Variants in TRPV6 observed in about 807,000 individuals in gnomAD.
TRPV6 encodes Alu-binding protein with zinc finger domain.
Under a neutral mutation model 79.0 loss-of-function variants are expected in TRPV6, and 39 were observed. That is an observed-to-expected ratio of 0.49 (90% CI 0.38 to 0.64). The LOEUF (loss-of-function observed/expected upper bound fraction) is 0.64, where lower values mean the gene tolerates loss of function less well. TRPV6 is among the 30% of genes least tolerant of loss of function. TRPV6 has a pLI of 0.00. For synonymous variants in TRPV6, 373 were observed against 391.9 expected, an observed-to-expected ratio of 0.95 and a Z score of 0.57; for missense variants, 813 against 1,011.1, an observed-to-expected ratio of 0.80 and a Z score of 2.66.
At chr7:142,881,996 G>C (rs1795201293) in intron 1 of TRPV6, 1 of 152,258 alleles carries the variant, frequency 6.6e-6, no homozygotes, top group Non-Finnish European at 1.5e-5. Context: ...TCATGAAACA[G>C]ATGGAGGAAG....
Position 142,876,891 on chromosome 7 carries a change from G to T in TRPV6, c.608-54C>A. The T allele has an allele frequency of 1.9e-6, 3 of 1,599,486 alleles. No homozygotes were observed. The South Asian group carries it at 3.4e-5, about 18-fold the overall frequency. On this transcript the variant is annotated intron_variant, in intron 4 of 14. Coordinates refer to ENST00000359396, the MANE Select transcript of TRPV6 (RefSeq NM_018646.6). Reference sequence around the variant, plus strand: ...AGAGTGCAGGATGGCAGGATGGGGTGGACAGTCTCCCCCAAGTGACAGCCT... The same window carrying T: ...AGAGTGCAGGATGGCAGGATGGGGTTGACAGTCTCCCCCAAGTGACAGCCT...
At chr7:142,872,339 C>T (rs1219009054) in intron 14 of TRPV6, 33 bp downstream of exon 14, 1 of 1,609,618 alleles carries the variant, frequency 6.2e-7, no homozygotes, top group South Asian at 1.1e-5. Context: ...GATGAGGCTT[C>T]TCAGGGGACA....
At chr7:142,877,606 C>T in intron 3 of TRPV6, 45 bp downstream of exon 3, 1 of 1,593,906 alleles carries the variant, frequency 6.3e-7, no homozygotes, top group Non-Finnish European at 8.6e-7. Context: ...TTGAAATACC[C>T]AACCAGTCAC....
chr7:142,874,219 A>T, intron 11 of TRPV6, 77 bp from the exon 12 acceptor site: 1 of 1,500,602 alleles, frequency 6.7e-7, no homozygotes, highest in Non-Finnish European at 9.2e-7. Context: ...AACAGGTCTC[A>T]CCCCGACAAG....
chr7:142,871,947 G>A lies in TRPV6; in HGVS notation c.2058C>T (p.Arg686=). 1 of 1,610,984 alleles carries A rather than the reference G, an allele frequency of 6.2e-7. No individual in the cohort carries two copies. The highest frequency in any genetic ancestry group is 2.2e-5 in the East Asian group (1 of 44,822). The change falls in exon 15 of 15, where the codon CGC becomes CGT. Residue 686 remains arginine, a synonymous_variant. Coordinates refer to ENST00000359396, the MANE Select transcript of TRPV6 (RefSeq NM_018646.6). ...CCCGGGTGTGGAAGGCCTGTGCGTA[G>A]CGTTGGATCCGCTGCCGGTTGAGAT...
rs1794983873 is a variant in TRPV6, at chr7:142,873,316, C to T, written c.1908+132G>A. ...CTAATCAGTGCTTCTGTACATTTTG[C>T]ATGATTTTGCTAGCTTTGCCACAAC... is the stretch of plus-strand genomic sequence containing the variant. On this transcript the variant is annotated intron_variant, in intron 13 of 14. Transcript: ENST00000359396. This position sits in a 1 kb window ranked among gnomAD's most constrained non-coding sequence, Gnocchi z 4.8. The T allele has an allele frequency of 7.8e-7, 1 of 1,286,294 alleles. No individual in the cohort carries two copies. Among genetic ancestry groups the T allele is most frequent in the African/African-American group, 1.5e-5 (1 of 68,636 alleles). 79.7% of individuals were successfully genotyped at this position (1,286,294 alleles called of 1,614,324 possible).
At chr7:142,885,325 G>A (rs1365632249) in intron 1 of TRPV6, 64 bp downstream of exon 1, 1 of 1,519,182 alleles carries the variant, frequency 6.6e-7, no homozygotes, top group Non-Finnish European at 8.9e-7. Flanking sequence ...AGGTGAGGGA[G>A]GGGTGAGGGG....
In TRPV6 at chr7:142,872,479, C is replaced by T; in HGVS notation, c.1909-1G>A. ...CCAGCATCACTGTGGTGGCCACAAT[C>T]TGCGTATGGGAACAAAAGGAGAAGT... On this transcript the variant is annotated splice_acceptor_variant, in intron 13 of 14. Coordinates refer to ENST00000359396, the MANE Select transcript of TRPV6 (RefSeq NM_018646.6). LOFTEE classifies it high-confidence loss of function. 1.2e-6 allele frequency: 2 copies of T among 1,612,068 alleles called. No homozygotes were observed. Among genetic ancestry groups the T allele is most frequent in the South Asian group, 2.2e-5 (2 of 90,584 alleles).
chr7:142,871,665 A>G lies in TRPV6; in HGVS notation c.*42T>C. On this transcript the variant is annotated 3_prime_UTR_variant, in exon 15 of 15. Coordinates refer to ENST00000359396, the MANE Select transcript of TRPV6 (RefSeq NM_018646.6). ...TTTTGTTTTGTTTGATGCACCCAGG[A>G]AAATGAGAGCAAGTTCCAGGAAGCG... is the stretch of plus-strand genomic sequence containing the variant. 6.5e-7 allele frequency: 1 copy of G among 1,545,422 alleles called. No individual in the cohort carries two copies. Among genetic ancestry groups the G allele is most frequent in the Non-Finnish European group, 8.7e-7 (1 of 1,143,778 alleles).
At chr7:142,878,758 A>C (rs1008537852) in intron 1 of TRPV6, 1 of 152,086 alleles carries the variant, frequency 6.6e-6, no homozygotes, top group African/African-American at 2.4e-5. Flanking sequence ...TTCTCACATC[A>C]TCTCAACAGC....
intron 3 of TRPV6, 153 bp downstream of exon 3, chr7:142,877,498 G>C: frequency 6.8e-7 from 1 of 1,460,648 alleles, no homozygotes; most frequent in South Asian, 1.4e-5. Flanking sequence ...GTGATGGGCA[G>C]TCAGGACTGA....
At chr7:142,876,961 T>G in intron 4 of TRPV6, 124 bp from the exon 5 acceptor site, 1 of 1,468,860 alleles carries the variant, frequency 6.8e-7, no homozygotes. Context: ...ACACTTTTCC[T>G]GCAGAACCAG....
rs1563356149 is a variant in TRPV6 at position 142,877,215 on chromosome 7, G to A, written c.534C>T (p.Ala178=). The A allele has an allele frequency of 6.2e-7, 1 of 1,614,226 alleles. No individual in the cohort carries two copies. The highest frequency in any genetic ancestry group is 1.1e-5 in the South Asian group (1 of 91,086). ...CTCTGGCAGAGACACTGGCCCTGCG[G>A]GCAAGCAGGGCTCGCACCAGGTTCA... Residue 178 remains alanine, a synonymous_variant, in exon 4 of 15, where the codon GCC becomes GCT. Coordinates refer to ENST00000359396, the MANE Select transcript of TRPV6 (RefSeq NM_018646.6).
chr7:142,873,208 C>G lies in TRPV6; in HGVS notation c.1908+240G>C, dbSNP rs1027847672. On this transcript the variant is annotated intron_variant, in intron 13 of 14. Transcript: ENST00000359396. The surrounding 1 kb of genome is among the most constrained non-coding windows in gnomAD (Gnocchi z 4.8). Reference sequence around the variant, plus strand: ...CTTTTGATTTATTTCTTGTTGATTCCTCTAGAAAACACTGAGCTTTTAACT... The same window carrying G: ...CTTTTGATTTATTTCTTGTTGATTCGTCTAGAAAACACTGAGCTTTTAACT... Among the ~76,000 whole-genome samples, 3 of 152,076 alleles carry G rather than the reference C, an allele frequency of 2.0e-5. No homozygotes were observed. Among genetic ancestry groups the G allele is most frequent in the African/African-American group, 7.3e-5 (3 of 41,338 alleles).
chr7:142,878,096 T>C, intron 1 of TRPV6, 70 bp from the exon 2 acceptor site: 1 of 1,297,028 alleles, frequency 7.7e-7, no homozygotes, highest in Non-Finnish European at 1.1e-6. Flanking sequence ...AGGCCCTGGC[T>C]TGACTCCATT....
chr7:142,875,314 A>C, intron 8 of TRPV6, 150 bp from the exon 9 acceptor site: 1 of 1,213,190 alleles, frequency 8.2e-7, no homozygotes, highest in Non-Finnish European at 1.2e-6. Flanking sequence ...GTAAGAGCGT[A>C]TGTGTGTTTT....
At position 142,885,684 on chromosome 7, in the gene TRPV6, G is replaced by C; in HGVS notation, c.-48C>G. On this transcript the variant is annotated 5_prime_UTR_variant, in exon 1 of 15. Coordinates refer to ENST00000359396, the MANE Select transcript of TRPV6 (RefSeq NM_018646.6). ...CGAGTTCCTTGGGAGTCTCCCAGCAGCCCCAGCCAGTTTGGAGAGGGCTGT... is the reference window on the plus strand; with the variant it reads ...CGAGTTCCTTGGGAGTCTCCCAGCACCCCCAGCCAGTTTGGAGAGGGCTGT... 1 of 910,210 alleles carries C rather than the reference G, an allele frequency of 1.1e-6. No homozygotes were observed. The highest frequency in any genetic ancestry group is 2.1e-5 in the South Asian group (1 of 48,646). The allele number at this position is 910,210 out of a possible 1,614,324, so 56.4% of individuals were successfully genotyped here.
At chr7:142,875,291 C>A (rs923962048) in intron 8 of TRPV6, 127 bp from the exon 9 acceptor site, 5 of 1,308,248 alleles carry the variant, frequency 3.8e-6, no homozygotes, top group Non-Finnish European at 5.4e-6. Flanking sequence ...TCTTCTCAAA[C>A]TCTGCTCTCA....
chr7:142,883,943 C>T (rs1795244252), intron 1 of TRPV6: 1 of 152,542 alleles, frequency 6.6e-6, no homozygotes, highest in Non-Finnish European at 1.5e-5. Context: ...TGAGGGCAGA[C>T]AGGACATGCG....
Sources: allele counts gnomAD v4.1 joint callset (sites outside exome capture counted in the v4.1 genomes callset), GRCh38; gene constraint gnomAD v4.1.1; non-coding constraint Gnocchi (gnomAD v3.1); transcripts MANE v1.5; gene names NCBI Gene and HGNC (gene_info 2026-07-23, HGNC 2026-07-21).